SLC28A3: variants seen among roughly 807,000 people sequenced by gnomAD.
SLC28A3 encodes the protein concentrative Na(+)-nucleoside cotransporter 3.
Under a neutral mutation model 84.2 loss-of-function variants are expected in SLC28A3, and 68 were observed. The ratio of observed to expected loss-of-function variants is 0.81; its 90% CI spans 0.66 to 0.99. The LOEUF (loss-of-function observed/expected upper bound fraction) is 0.99. SLC28A3 is among the 50% of genes least tolerant of loss of function. The pLI is 0.00. For synonymous variants in SLC28A3, 267 were observed against 303.6 expected (o/e 0.88, Z 1.25); for missense variants, 712 against 841.5 (o/e 0.85, Z 1.90).
At chr9:84,298,304 T>C (rs987236407) in intron 6 of SLC28A3, among the ~76,000 whole-genome samples, 7 of 152,118 alleles carry the variant, frequency 4.6e-5, no homozygotes, top group African/African-American at 1.7e-4. Context: ...CTGGCCACCA[T>C]GGCAAAACCC....
In SLC28A3 at chr9:84,330,259, A is replaced by AG. The variant is rs549292831; in HGVS notation, c.60+10314dup. Among the ~76,000 whole-genome samples the AG allele has an allele frequency of 3.2e-3, 488 of 152,348 alleles. 2 individuals are homozygous for AG. The highest frequency in any genetic ancestry group is 0.01 in the Middle Eastern group (3 of 294). On this transcript the variant is annotated intron_variant, in intron 1 of 17. Transcript: ENST00000376238. ...GAAATGTCAAGGAAAAAAGAAACCA[A>AG]GGAAAAAAAAGAGAGAAGACAAATA...
At chr9:84,322,902 G>T (rs2118517066) in intron 1 of SLC28A3, among the ~76,000 whole-genome samples, 1 of 152,284 alleles carries the variant, frequency 6.6e-6, no homozygotes, top group Admixed American at 6.5e-5. Flanking sequence ...GACTAAATAG[G>T]AAATAGATCA....
the SLC28A3 span, among the ~76,000 whole-genome samples, chr9:84,365,697 G>C: frequency 1.3e-5 from 2 of 152,104 alleles, no homozygotes; most frequent in Admixed American, 1.3e-4. Flanking sequence ...TCATTCTTCT[G>C]CATATGGATA....
At position 84,279,270 on chromosome 9, in the gene SLC28A3, C is replaced by A. The variant is rs780438069; in HGVS notation, c.1944G>T (p.Leu648Phe). The part of the protein sequence containing the change: ...TKVIACCQSL[L>F]SSTVAKGPGE... ...TATAATCAAGAATACAATACCTGCT[C>A]AACAGACTTTGGCAACAAGCTATCA... The change falls in exon 17 of 18, where the codon TTG becomes TTT. Residue 648 changes from leucine (L) to phenylalanine (F), a missense_variant. Coordinates refer to ENST00000376238, the MANE Select transcript of SLC28A3 (RefSeq NM_001199633.2). 8 of 1,609,594 alleles carry A rather than the reference C, an allele frequency of 5.0e-6. No individual in the cohort carries two copies. The highest frequency in any genetic ancestry group is 1.7e-5 in the Admixed American group (1 of 59,364).
At position 84,278,187 on chromosome 9, in the gene SLC28A3, C is replaced by A. The variant is rs748919968; in HGVS notation, c.*31G>T. On this transcript the variant is annotated 3_prime_UTR_variant, in exon 18 of 18. Coordinates refer to ENST00000376238, the MANE Select transcript of SLC28A3 (RefSeq NM_001199633.2). ...CAAAGCAGAAAATTCAGCATCTGTA[C>A]TTCAGAGTTCCACTGGAGAAGTGGC... 6.2e-7 allele frequency: 1 copy of A among 1,605,982 alleles called. No homozygotes were observed. Among genetic ancestry groups the A allele is most frequent in the South Asian group, 1.1e-5 (1 of 90,046 alleles).
Position 84,278,279 on chromosome 9 carries a change from C to A in SLC28A3, c.2015G>T (p.Gly672Val). The A allele has an allele frequency of 6.2e-7, 1 of 1,614,126 alleles. No homozygotes were observed. ...GGNHSLYSLK[G>V]CCTLLNPSTF... ...CGATGGATTCAACAATGTGCAGCAG[C>A]CCTTCAAAGAATACAGACTGTGGTT... The change falls in exon 18 of 18, where the codon GGC becomes GTC. Residue 672 changes from glycine (G) to valine (V), a missense_variant. By Grantham distance (109) the Gly-to-Val change is moderately radical (BLOSUM62 -3). Transcript: ENST00000376238.
intron 1 of SLC28A3, among the ~76,000 whole-genome samples, chr9:84,313,848 G>A (rs1348535754): frequency 7.0e-6 from 1 of 142,700 alleles, no homozygotes; most frequent in Non-Finnish European, 1.5e-5. Context: ...CAGCCTGGGA[G>A]ACACAGCAAG....
In SLC28A3 at chr9:84,307,654, A is replaced by G. The variant is rs142737052; in HGVS notation, c.242+1975T>C. Among the ~76,000 whole-genome samples the G allele has an allele frequency of 3.3e-3, 506 of 152,284 alleles. 5 individuals are homozygous for G. Among genetic ancestry groups the G allele is most frequent in the African/African-American group, 0.012 (485 of 41,550 alleles). On this transcript the variant is annotated intron_variant, in intron 3 of 17. Transcript: ENST00000376238. ...ACATTTTTTCACGGTCTGATTTAGGAAAGGCTAATGATGTATTATTCTCAG... is the reference window on the plus strand; with the variant it reads ...ACATTTTTTCACGGTCTGATTTAGGGAAGGCTAATGATGTATTATTCTCAG...
Position 84,285,558 on chromosome 9 carries a change from G to A in SLC28A3, c.1450-16C>T. 6.2e-7 allele frequency: 1 copy of A among 1,613,810 alleles called. No individual in the cohort carries two copies. The highest frequency in any genetic ancestry group is 8.5e-7 in the Non-Finnish European group (1 of 1,179,784). On this transcript the variant is annotated splice_polypyrimidine_tract_variant and intron_variant, in intron 13 of 17. Transcript: ENST00000376238. ...AGCAGATTAGCTACAGAAACCAAAA[G>A]TAGACACTTGATTAGAATAGTGATT...
At chr9:84,348,708 A>C in the SLC28A3 span, among the ~76,000 whole-genome samples, 1 of 152,296 alleles carries the variant, frequency 6.6e-6, no homozygotes, top group South Asian at 2.1e-4. Context: ...AAATGGATTA[A>C]TGTGGTTATC....
intron 17 of SLC28A3, 179 bp from the exon 18 acceptor site, chr9:84,278,523 G>C: frequency 1.4e-6 from 1 of 691,112 alleles, no homozygotes; most frequent in Non-Finnish European, 2.3e-6. Context: ...TAAATTCTGG[G>C]TGTCCTCAAG....
chr9:84,319,304 C>T (rs977751549), intron 1 of SLC28A3, among the ~76,000 whole-genome samples: 1 of 152,128 alleles, frequency 6.6e-6, no homozygotes, highest in African/African-American at 2.4e-5. Flanking sequence ...TAAATTGTTC[C>T]AAATGCATTG....
intron 1 of SLC28A3, 123 bp from the exon 2 acceptor site, chr9:84,313,577 G>T: frequency 2.8e-6 from 2 of 719,644 alleles, no homozygotes; most frequent in Non-Finnish European, 2.3e-6. Flanking sequence ...TTCAGATGAA[G>T]CATCCGATTC....
chr9:84,296,089 T>G (rs1564153976), intron 8 of SLC28A3, among the ~76,000 whole-genome samples: 1 of 152,180 alleles, frequency 6.6e-6, no homozygotes, highest in African/African-American at 2.4e-5. Flanking sequence ...TGAAAACACC[T>G]GTATAGTCTG....
chr9:84,293,853 A>G (rs1825322039), intron 9 of SLC28A3, among the ~76,000 whole-genome samples: 2 of 152,244 alleles, frequency 1.3e-5, no homozygotes, highest in African/African-American at 2.4e-5. Context: ...TAAAAAAGAA[A>G]AAAAGATAAG....
chr9:84,366,083 T>C, the SLC28A3 span, among the ~76,000 whole-genome samples: 1 of 151,864 alleles, frequency 6.6e-6, no homozygotes, highest in African/African-American at 2.4e-5. Flanking sequence ...ATTGGGTGCA[T>C]TCGGGGTGGT....
At chr9:84,367,359 A>G in the SLC28A3 span, among the ~76,000 whole-genome samples, 2 of 152,164 alleles carry the variant, frequency 1.3e-5, no homozygotes, top group African/African-American at 2.4e-5. Context: ...TGTGACCCCA[A>G]AAGCCTGCCT....
At chr9:84,293,514 A>G (rs74760699) in intron 9 of SLC28A3, among the ~76,000 whole-genome samples, 1,856 of 152,246 alleles carry the variant, frequency 0.012, 36 homozygotes, top group African/African-American at 0.042. Context: ...TATTGGGATC[A>G]AGGAGGGCTG....
chr9:84,309,547 A>AAAAAAAAAAAC (rs1825916376), intron 3 of SLC28A3, 82 bp downstream of exon 3: 1 of 789,370 alleles, frequency 1.3e-6, no homozygotes, highest in Admixed American at 3.0e-5. Context: ...AAAAAAAAAA[A>AAAAAAAAAAAC]AGAAATCAAA....
Sources: gnomAD v4.1 joint callset for allele counts (sites outside exome capture counted in the v4.1 genomes callset) on GRCh38, gnomAD v4.1.1 for gene constraint, MANE v1.5 for transcripts, NCBI Gene and HGNC (gene_info 2026-07-23, HGNC 2026-07-21) for gene names.